Variants in FAM107A observed in about 807,000 individuals in gnomAD.
The protein encoded by FAM107A is family with sequence similarity 107 member A, also known as actin-associated protein FAM107A.
Under a neutral mutation model 13.7 loss-of-function variants are expected in FAM107A, and 19 were observed. That is an observed-to-expected ratio of 1.38 (90% CI 0.97 to 2.03). The LOEUF is 2.03. FAM107A is among the 30% of genes most tolerant of loss of function. FAM107A has a pLI of 0.00. For missense variants in FAM107A, 203 were observed against 184.4 expected, an observed-to-expected ratio of 1.10 and a Z score of -0.58; for synonymous variants, 82 against 74.5, an observed-to-expected ratio of 1.10 and a Z score of -0.52.
At chr3:58,611,669 CT>C (rs1481589673) in intron 1 of FAM107A, among the ~76,000 whole-genome samples, 6 of 152,164 alleles carry the variant, frequency 3.9e-5, no homozygotes, top group African/African-American at 1.2e-4. Flanking sequence ...AGAAAGAGTT[CT>C]GGGACGGCTG....
At chr3:58,589,729 A>G (rs2065640483), upstream of FAM107A, among the ~76,000 whole-genome samples, 1 of 152,160 alleles carries the variant, frequency 6.6e-6, no homozygotes, top group Admixed American at 6.5e-5. Flanking sequence ...GTTTTTACCT[A>G]ATGTCCCTTT....
Position 58,569,584 on chromosome 3 carries a change from A to G in FAM107A, c.170+107T>C, listed in dbSNP as rs957969544. On this transcript the variant is annotated intron_variant, in intron 2 of 3. Coordinates refer to ENST00000360997, the MANE Select transcript of FAM107A (RefSeq NM_001076778.3). The surrounding 1 kb of genome is among the most constrained non-coding windows in gnomAD (Gnocchi z 5.7). ...GGCACCTCAGCCTTCCTCAGTCTCCAGGAGCCCCAGGATGAAAGCCAGCTC... is the reference window on the plus strand; with the variant it reads ...GGCACCTCAGCCTTCCTCAGTCTCCGGGAGCCCCAGGATGAAAGCCAGCTC... 10 of 939,634 alleles carry G rather than the reference A, an allele frequency of 1.1e-5. No homozygotes were observed. The African/African-American group carries it at 1.3e-4, about 12-fold the overall frequency. The allele number at this position is 939,634 out of a possible 1,614,324, so 58.2% of individuals were successfully genotyped here.
In FAM107A at chr3:58,565,188, CA is replaced by C. The variant is rs1259982417; in HGVS notation, c.*1399del. ...TAATTCTTTAAAAATGGGATAGGAGCAAAAGGTTAAAATATGTGGGTCTCAC... is the reference window on the plus strand; with the variant it reads ...TAATTCTTTAAAAATGGGATAGGAGCAAAGGTTAAAATATGTGGGTCTCAC... On this transcript the variant is annotated 3_prime_UTR_variant, in exon 4 of 4. Transcript: ENST00000360997. 2.0e-5 allele frequency: 3 copies of C among 151,994 alleles called. No homozygotes were observed. The highest frequency in any genetic ancestry group is 2.9e-5 in the Non-Finnish European group (2 of 68,016). The allele number at this position is 151,994 out of a possible 1,614,324, so 9.4% of individuals were successfully genotyped here.
At chr3:58,578,479 A>C (rs1231825335), upstream of FAM107A, among the ~76,000 whole-genome samples, 1 of 122,710 alleles carries the variant, frequency 8.1e-6, no homozygotes, top group East Asian at 1.9e-4. Context: ...GAGGCAGGAG[A>C]ATTGCTTGAA....
intron 1 of FAM107A, among the ~76,000 whole-genome samples, chr3:58,601,884 C>A (rs939136195): frequency 2.6e-5 from 4 of 152,142 alleles, no homozygotes; most frequent in Admixed American, 2.6e-4. Context: ...TTAAGCAGAT[C>A]TGGTTTTCAA....
At chr3:58,593,501 C>A (rs1222094092) in intron 1 of FAM107A, among the ~76,000 whole-genome samples, 2 of 152,172 alleles carry the variant, frequency 1.3e-5, no homozygotes, top group African/African-American at 2.4e-5. Flanking sequence ...CTCAAACAAC[C>A]ACCCTTAAGT....
intron 1 of FAM107A, among the ~76,000 whole-genome samples, chr3:58,601,240 C>A (rs1484101192): frequency 6.6e-6 from 1 of 151,916 alleles, no homozygotes; most frequent in Non-Finnish European, 1.5e-5. Context: ...TAAAGTGCAA[C>A]CCCCCAAATC....
chr3:58,619,973 G>A (rs979168046), intron 1 of FAM107A, among the ~76,000 whole-genome samples: 1 of 152,100 alleles, frequency 6.6e-6, no homozygotes, highest in Non-Finnish European at 1.5e-5. Context: ...GAGGGATTCA[G>A]TCTATGTCCC....
chr3:58,622,439 C>G (rs2065965057), intron 1 of FAM107A, among the ~76,000 whole-genome samples: 1 of 136,022 alleles, frequency 7.4e-6, no homozygotes, highest in Non-Finnish European at 1.6e-5. Context: ...AGACTCTGTA[C>G]TACCCCTATG....
Position 58,601,383 on chromosome 3 carries a change from G to A in FAM107A, c.-69-12114C>T, listed in dbSNP as rs2065751288. Among the ~76,000 whole-genome samples the A allele has an allele frequency of 2.0e-5, 3 of 152,188 alleles. No homozygotes were observed. The South Asian group carries it at 6.2e-4, about 32-fold the overall frequency. ...TCTGATCTATCTTTTAGAAAGTGCA[G>A]ATGGGCTCACACTGAATGTGCCAGG... On this transcript the variant is annotated intron_variant, in intron 1 of 3. Coordinates refer to the FAM107A transcript ENST00000465970.
At chr3:58,590,682 C>T (rs1346117389), upstream of FAM107A, among the ~76,000 whole-genome samples, 1 of 152,150 alleles carries the variant, frequency 6.6e-6, no homozygotes, top group African/African-American at 2.4e-5. Flanking sequence ...ACTTTAAAGC[C>T]ATCAGCTCTT....
rs572056723 is a variant in FAM107A, at chr3:58,620,283, G to A, written c.-70+7133C>T. ...AGTGGGGAGAGTGATGGTGTCATGG[G>A]GTCCCTGAGGAACTTGACCCCCTTC... On this transcript the variant is annotated intron_variant, in intron 1 of 3. Transcript: ENST00000465970. 3.3e-5 allele frequency among the ~76,000 whole-genome samples: 5 copies of A among 152,160 alleles called. No homozygotes were observed. The South Asian group carries it at 8.3e-4, about 25-fold the overall frequency.
At chr3:58,626,980 CT>C (rs770763235) in intron 1 of FAM107A, 22 of 1,535,892 alleles carry the variant, frequency 1.4e-5, no homozygotes, top group Non-Finnish European at 1.8e-5. Context: ...CCTTCTTCCC[CT>C]GGGCTGCTCC....
rs141609445 is a variant in FAM107A at position 58,566,628 on chromosome 3, C to T, written c.395G>A (p.Arg132Gln). The change falls in exon 4 of 4, where the codon CGG becomes CAG. Residue 132 changes from arginine (R) to glutamine (Q), a missense_variant. Transcript: ENST00000360997. ...PEFIKVRENL[R>Q]RIATLTSEER... ...TTCGCTGGTCAGTGTGGCAATTCTCCGCAGGTTTTCCCTGACTTTAATAAA... is the reference window on the plus strand; with the variant it reads ...TTCGCTGGTCAGTGTGGCAATTCTCTGCAGGTTTTCCCTGACTTTAATAAA... 2.7e-5 allele frequency: 44 copies of T among 1,613,920 alleles called. 2 individuals are homozygous for T. The highest frequency in any genetic ancestry group is 8.0e-5 in the African/African-American group (6 of 74,926).
At chr3:58,572,299 C>G (rs909035071) in intron 1 of FAM107A, among the ~76,000 whole-genome samples, 2 of 152,170 alleles carry the variant, frequency 1.3e-5, no homozygotes, top group Non-Finnish European at 2.9e-5. Context: ...GGGAGGCCAA[C>G]AGTCAGCACA....
chr3:58,605,027 CT>C (rs1231111400), intron 1 of FAM107A, among the ~76,000 whole-genome samples: 6 of 152,238 alleles, frequency 3.9e-5, no homozygotes, highest in Non-Finnish European at 8.8e-5. Context: ...AGTCCAGGCT[CT>C]TTCCAAGTCC....
chr3:58,621,088 C>G lies in FAM107A; in HGVS notation c.-70+6328G>C, dbSNP rs879358362. ...GCATGGTTCCCAGGGAAGGGGAGGA[C>G]AGTATATTTACCAGTTTGCTGAGGC... On this transcript the variant is annotated intron_variant, in intron 1 of 3. Transcript: ENST00000465970. 3.3e-5 allele frequency among the ~76,000 whole-genome samples: 5 copies of G among 152,140 alleles called. No homozygotes were observed. The South Asian group carries it at 1.0e-3, about 32-fold the overall frequency.
At chr3:58,590,133 C>T (rs532879435), upstream of FAM107A, among the ~76,000 whole-genome samples, 32 of 152,344 alleles carry the variant, frequency 2.1e-4, no homozygotes, top group African/African-American at 7.0e-4. Flanking sequence ...CTTGTCCAAT[C>T]AGCTACCTGA....
At chr3:58,578,425 A>G (rs1405429131), upstream of FAM107A, among the ~76,000 whole-genome samples, 1 of 152,066 alleles carries the variant, frequency 6.6e-6, no homozygotes, top group African/African-American at 2.4e-5. Flanking sequence ...AAAATTAGCC[A>G]GGGGTGGTGG....
Sources: gnomAD v4.1 joint callset for allele counts (sites outside exome capture counted in the v4.1 genomes callset) on GRCh38, gnomAD v4.1.1 for gene constraint, Gnocchi (gnomAD v3.1) non-coding constraint, MANE v1.5 for transcripts, NCBI Gene and HGNC (gene_info 2026-07-23, HGNC 2026-07-21) for gene names.